SOD1: variants seen among roughly 807,000 people sequenced by gnomAD.
SOD1 encodes the protein superoxide dismutase [Cu-Zn].
Under a neutral mutation model 15.9 loss-of-function variants are expected in SOD1, and 8 were observed. The ratio of observed to expected loss-of-function variants is 0.50; its 90% confidence interval spans 0.30 to 0.91. The LOEUF is 0.91. SOD1 is among the 40% of genes least tolerant of loss of function. The pLI, the probability that SOD1 is intolerant of heterozygous loss-of-function variation, is 0.07. For missense variants in SOD1, 137 were observed against 194.5 expected, an observed-to-expected ratio of 0.70 and a Z score of 1.76; for synonymous variants, 86 against 71.2, an observed-to-expected ratio of 1.21 and a Z score of -1.04.
At chr21:31,663,422 G>A (rs1416566316) in intron 1 of SOD1, among the ~76,000 whole-genome samples, 4 of 152,138 alleles carry the variant, frequency 2.6e-5, no homozygotes, top group African/African-American at 9.7e-5. Flanking sequence ...ACATAAATAG[G>A]TACTTACATT....
intron 1 of SOD1, chr21:31,660,694 C>T (rs544194261): frequency 6.6e-6 from 1 of 152,314 alleles, no homozygotes; most frequent in East Asian, 1.9e-4. Context: ...ACATCAAAAC[C>T]TGTCCTAGTG....
chr21:31,666,800 T>C (rs2049597327), intron 3 of SOD1: 1 of 485,816 alleles, frequency 2.1e-6, no homozygotes, highest in African/African-American at 1.9e-5. Flanking sequence ...GGAAATGTCA[T>C]GAACAGTACT....
Position 31,668,415 on chromosome 21 carries a change from GGAGGA to G in SOD1, c.358-54_358-50del, listed in dbSNP as rs1380387754. 3 of 1,102,394 alleles carry G rather than the reference GGAGGA, an allele frequency of 2.7e-6. No individual in the cohort carries two copies. The African/African-American group carries it at 4.6e-5, about 17-fold the overall frequency. 68.3% of individuals were successfully genotyped at this position (1,102,394 alleles called of 1,614,324 possible). Reference sequence around the variant, plus strand: ...CTTAAACATCTTTTGGGTATTGTTGGGAGGAGGTAGTGATTACTTGACAGCCCAAA... The same window carrying G: ...CTTAAACATCTTTTGGGTATTGTTGGGGTAGTGATTACTTGACAGCCCAAA... On this transcript the variant is annotated intron_variant, in intron 4 of 4. Coordinates refer to ENST00000270142, the MANE Select transcript of SOD1 (RefSeq NM_000454.5).
intron 1 of SOD1, chr21:31,660,127 C>A (rs999707073): frequency 1.2e-5 from 2 of 161,728 alleles, no homozygotes; most frequent in African/African-American, 4.8e-5. Flanking sequence ...CGGGGAGGGG[C>A]GGGGGCGGGC....
chr21:31,662,894 A>G (rs1276408100), intron 1 of SOD1, among the ~76,000 whole-genome samples: 1 of 152,120 alleles, frequency 6.6e-6, no homozygotes, highest in Non-Finnish European at 1.5e-5. Context: ...GGGCGCCTGT[A>G]GTCCCAGCTA....
chr21:31,664,672 G>A (rs2049578320), intron 2 of SOD1, among the ~76,000 whole-genome samples: 1 of 152,150 alleles, frequency 6.6e-6, no homozygotes, highest in African/African-American at 2.4e-5. Flanking sequence ...AGGCTGGAGT[G>A]CAGTGGCGCG....
chr21:31,661,051 C>T (rs1490189031), intron 1 of SOD1, among the ~76,000 whole-genome samples: 1 of 152,190 alleles, frequency 6.6e-6, no homozygotes, highest in East Asian at 1.9e-4. Context: ...ATAACACTGT[C>T]CCCAGAACCT....
In SOD1 at chr21:31,668,414, GGGA is replaced by G. The variant is rs1451759078; in HGVS notation, c.358-51_358-49del. 4 of 1,089,156 alleles carry G rather than the reference GGGA, an allele frequency of 3.7e-6. No homozygotes were observed. The African/African-American group carries it at 4.6e-5, about 13-fold the overall frequency. 67.5% of individuals were successfully genotyped at this position (1,089,156 alleles called of 1,614,324 possible). A position where few individuals can be genotyped will look rare whatever the true frequency, so the allele number is the denominator to read the frequency against. Reference sequence around the variant, plus strand: ...TCTTAAACATCTTTTGGGTATTGTTGGGAGGAGGTAGTGATTACTTGACAGCCC... The same window carrying G: ...TCTTAAACATCTTTTGGGTATTGTTGGGAGGTAGTGATTACTTGACAGCCC... On this transcript the variant is annotated intron_variant, in intron 4 of 4. Transcript: ENST00000270142.
chr21:31,668,840 T>C lies in SOD1; in HGVS notation c.*262T>C, dbSNP rs1310628498. On this transcript the variant is annotated 3_prime_UTR_variant, in exon 5 of 5. Coordinates refer to ENST00000270142, the MANE Select transcript of SOD1 (RefSeq NM_000454.5). ...TTAAATCACAGATGGGTATTAAACTTGTCAGAATTTCTTTGTCATTCAAGC... is the reference window on the plus strand; with the variant it reads ...TTAAATCACAGATGGGTATTAAACTCGTCAGAATTTCTTTGTCATTCAAGC... 3 of 428,662 alleles carry C rather than the reference T, an allele frequency of 7.0e-6. No individual in the cohort carries two copies. Among genetic ancestry groups the C allele is most frequent in the Non-Finnish European group, 1.3e-5 (3 of 233,352 alleles). 26.6% of individuals were successfully genotyped at this position (428,662 alleles called of 1,614,324 possible).
chr21:31,668,641 T>A lies in SOD1; in HGVS notation c.*63T>A, dbSNP rs768576216. 6.7e-6 allele frequency: 8 copies of A among 1,190,114 alleles called. No homozygotes were observed. Among genetic ancestry groups the A allele is most frequent in the Non-Finnish European group, 8.8e-6 (7 of 794,116 alleles). 73.7% of individuals were successfully genotyped at this position (1,190,114 alleles called of 1,614,324 possible). ...TCTGTTATCCTGCTAGCTGTAGAAATGTATCCTGATAAACATTAAACACTG... is the reference window on the plus strand; with the variant it reads ...TCTGTTATCCTGCTAGCTGTAGAAAAGTATCCTGATAAACATTAAACACTG... On this transcript the variant is annotated 3_prime_UTR_variant, in exon 5 of 5. Transcript: ENST00000270142.
rs1175200272 is a variant in SOD1, at chr21:31,659,697, C to T, written c.-73C>T. The stretch of plus-strand genomic sequence containing the variant: ...GCGGAGACGGGGTGCTGGTTTGCGT[C>T]GTAGTCTCCTGCAGCGTCTGGGGTT... On this transcript the variant is annotated 5_prime_UTR_variant, in exon 1 of 5. Coordinates refer to ENST00000270142, the MANE Select transcript of SOD1 (RefSeq NM_000454.5). The T allele has an allele frequency of 3.3e-6, 5 of 1,500,304 alleles. No homozygotes were observed. Among genetic ancestry groups the T allele is most frequent in the Non-Finnish European group, 4.6e-6 (5 of 1,078,170 alleles). 92.9% of individuals were successfully genotyped at this position (1,500,304 alleles called of 1,614,324 possible). A position where few individuals can be genotyped will look rare whatever the true frequency, so the allele number is the denominator to read the frequency against.
chr21:31,668,711 A>G lies in SOD1; in HGVS notation c.*133A>G. 2.7e-6 allele frequency: 2 copies of G among 731,772 alleles called. No homozygotes were observed. Among genetic ancestry groups the G allele is most frequent in the Non-Finnish European group, 4.9e-6 (2 of 409,736 alleles). 45.3% of individuals were successfully genotyped at this position (731,772 alleles called of 1,614,324 possible). ...GTGTGACTTTTTCAGAGTTGCTTTA[A>G]AGTACCTGTAGTGAGAAACTGATTT... On this transcript the variant is annotated 3_prime_UTR_variant, in exon 5 of 5. Transcript: ENST00000270142.
At chr21:31,666,253 T>A (rs142589033) in intron 2 of SOD1, among the ~76,000 whole-genome samples, 196 bp from the exon 3 acceptor site, 2 of 152,186 alleles carry the variant, frequency 1.3e-5, no homozygotes, top group East Asian at 3.9e-4. Context: ...GGGTTCCAGG[T>A]GTTAGCCACC....
chr21:31,663,722 A>AG, intron 1 of SOD1, 68 bp from the exon 2 acceptor site: 1 of 1,224,690 alleles, frequency 8.2e-7, no homozygotes, highest in Non-Finnish European at 1.2e-6. Context: ...CTTCACTGTG[A>AG]GGGGTAAAGG....
intron 2 of SOD1, 54 bp downstream of exon 2, chr21:31,663,940 C>T (rs909086277): frequency 2.1e-5 from 28 of 1,312,824 alleles, no homozygotes; most frequent in African/African-American, 8.7e-5. Flanking sequence ...GTTAGATAAA[C>T]AGTAGAGTAG....
At chr21:31,663,077 A>T (rs901556022) in intron 1 of SOD1, among the ~76,000 whole-genome samples, 1 of 150,424 alleles carries the variant, frequency 6.6e-6, no homozygotes, top group Non-Finnish European at 1.5e-5. Flanking sequence ...GGGAGTGGAG[A>T]GCAGGGGTCC....
chr21:31,665,970 G>GTTTT (rs397866461), intron 2 of SOD1, among the ~76,000 whole-genome samples: 1 of 128,294 alleles, frequency 7.8e-6, no homozygotes. Flanking sequence ...ACTTGGTGGG[G>GTTTT]TTTTTTTTTT....
rs916288361 is a variant in SOD1, at chr21:31,665,970, G to T, written c.170-479G>T. Among the ~76,000 whole-genome samples, 238 of 128,288 alleles carry T rather than the reference G, an allele frequency of 1.9e-3. 1 individual carries two copies. The highest frequency in any genetic ancestry group is 3.3e-3 in the Admixed American group (41 of 12,260). 84.2% of individuals were successfully genotyped at this position (128,288 alleles called of 152,430 possible). On this transcript the variant is annotated intron_variant, in intron 2 of 4. Transcript: ENST00000270142. ...CAGACAGTAGTTAGAACTTGGTGGG[G>T]TTTTTTTTTTTTTTTTTTTGAGATG...
At chr21:31,663,116 C>T (rs887721039) in intron 1 of SOD1, among the ~76,000 whole-genome samples, 5 of 144,862 alleles carry the variant, frequency 3.5e-5, no homozygotes, top group Admixed American at 7.1e-5. Flanking sequence ...ATTTCCAGGG[C>T]GACTTTTTCT....
Sources: allele counts gnomAD v4.1 joint callset (sites outside exome capture counted in the v4.1 genomes callset), GRCh38; gene constraint gnomAD v4.1.1; transcripts MANE v1.5; gene names NCBI Gene and HGNC (gene_info 2026-07-23, HGNC 2026-07-21).